KLHL14: variants seen among roughly 807,000 people sequenced by gnomAD.
The protein encoded by KLHL14 is kelch like family member 14.
Under a neutral mutation model 64.3 loss-of-function variants are expected in KLHL14, and 22 were observed. That is an observed-to-expected ratio of 0.34 (90% CI 0.24 to 0.49). KLHL14 has a LOEUF of 0.49. Ranked by LOEUF, KLHL14 falls within the 20% of genes least tolerant of loss-of-function variation. KLHL14 has a pLI of 0.99. For synonymous variants in KLHL14, 322 were observed against 333.4 expected (o/e 0.97, Z 0.37); for missense variants, 661 against 789.0 (o/e 0.84, Z 1.94).
At chr18:32,685,577 G>A (rs1028259894) in intron 5 of KLHL14, among the ~76,000 whole-genome samples, 1 of 152,184 alleles carries the variant, frequency 6.6e-6, no homozygotes, top group African/African-American at 2.4e-5. Flanking sequence ...GGGTGCACTG[G>A]AGAAAGATAC....
intron 2 of KLHL14, among the ~76,000 whole-genome samples, chr18:32,754,507 ATGG>A (rs2050271920): frequency 6.6e-6 from 1 of 152,248 alleles, no homozygotes; most frequent in Non-Finnish European, 1.5e-5. Context: ...GTGAGACATA[ATGG>A]TAGAAATGAA....
At chr18:32,686,684 T>A (rs1256547414) in intron 5 of KLHL14, among the ~76,000 whole-genome samples, 1 of 152,168 alleles carries the variant, frequency 6.6e-6, no homozygotes, top group African/African-American at 2.4e-5. Context: ...AGTTCAATAT[T>A]TCATATCTAA....
At chr18:32,748,494 C>G (rs936901205) in intron 2 of KLHL14, among the ~76,000 whole-genome samples, 1 of 152,088 alleles carries the variant, frequency 6.6e-6, no homozygotes, top group African/African-American at 2.4e-5. Flanking sequence ...CTCAGCCTCC[C>G]GAGTAGCTGG....
chr18:32,770,968 G>A lies in KLHL14; in HGVS notation c.-43-334C>T. 1 of 435,800 alleles carries A rather than the reference G, an allele frequency of 2.3e-6. No homozygotes were observed. The highest frequency in any genetic ancestry group is 2.6e-5 in the Admixed American group (1 of 37,850). 27.0% of individuals were successfully genotyped at this position (435,800 alleles called of 1,614,324 possible). A position where few individuals can be genotyped will look rare whatever the true frequency, so the allele number is the denominator to read the frequency against. ...GCTGTTGGCAGCAACAGCAGTGGCA[G>A]CAGCGACGGCAAAGTGGCGGCTGAG... is the stretch of plus-strand genomic sequence containing the variant. On this transcript the variant is annotated intron_variant, in intron 1 of 8. Transcript: ENST00000359358. The surrounding 1 kb of genome is among the most constrained non-coding windows in gnomAD (Gnocchi z 6.7).
chr18:32,676,892 A>G (rs1270856762), intron 8 of KLHL14, among the ~76,000 whole-genome samples: 10 of 152,144 alleles, frequency 6.6e-5, no homozygotes, highest in Non-Finnish European at 5.9e-5. Context: ...CATTTGTAAA[A>G]TCACCTCAGT....
At chr18:32,674,821 T>C (rs551955307) in intron 8 of KLHL14, 24 bp from the exon 9 acceptor site, 10 of 776,394 alleles carry the variant, frequency 1.3e-5, no homozygotes, top group South Asian at 4.0e-5. Flanking sequence ...GGAGGGAGCA[T>C]TTAGAGAAGG....
At chr18:32,768,687 C>A (rs1177388649) in intron 2 of KLHL14, among the ~76,000 whole-genome samples, 1 of 152,096 alleles carries the variant, frequency 6.6e-6, no homozygotes, top group Non-Finnish European at 1.5e-5. Context: ...AAAATTGGAG[C>A]CAATAAAACA....
chr18:32,715,972 A>G (rs949990311), intron 3 of KLHL14, among the ~76,000 whole-genome samples: 1 of 152,198 alleles, frequency 6.6e-6, no homozygotes, highest in Non-Finnish European at 1.5e-5. Flanking sequence ...CAATTGGAAA[A>G]TCTAAAAAGT....
At chr18:32,737,963 T>C (rs1420616197) in intron 3 of KLHL14, 1 of 152,170 alleles carries the variant, frequency 6.6e-6, no homozygotes, top group East Asian at 1.9e-4. Flanking sequence ...TCATCATTGG[T>C]ACATGGAAGG....
At chr18:32,766,081 A>T (rs1303940148) in intron 2 of KLHL14, among the ~76,000 whole-genome samples, 1 of 152,062 alleles carries the variant, frequency 6.6e-6, no homozygotes, top group East Asian at 1.9e-4. Context: ...ATGTAGATTA[A>T]TGTATTGATG....
intron 3 of KLHL14, among the ~76,000 whole-genome samples, chr18:32,727,163 T>C (rs969419104): frequency 2.1e-4 from 32 of 152,362 alleles, no homozygotes; most frequent in African/African-American, 7.5e-4. Flanking sequence ...GAACAAAAGC[T>C]GCTTCTTAAA....
At chr18:32,739,609 G>C (rs889566206) in intron 3 of KLHL14, among the ~76,000 whole-genome samples, 1 of 151,296 alleles carries the variant, frequency 6.6e-6, no homozygotes, top group African/African-American at 2.4e-5. Flanking sequence ...AAGGGTTCAA[G>C]ATCTTTAAAT....
chr18:32,766,679 GTTTCTTATTTTACTTA>G (rs1464990167), intron 2 of KLHL14, among the ~76,000 whole-genome samples: 1 of 152,008 alleles, frequency 6.6e-6, no homozygotes, highest in Non-Finnish European at 1.5e-5. Flanking sequence ...AGAGTGACAA[GTTTCTTATTTTACTTA>G]TTGTCCTTAT....
intron 3 of KLHL14, among the ~76,000 whole-genome samples, chr18:32,710,677 A>G (rs1266115809): frequency 1.3e-5 from 2 of 152,210 alleles, no homozygotes; most frequent in Non-Finnish European, 2.9e-5. Flanking sequence ...CAAAGTACAG[A>G]AAAAGATGAG....
intron 3 of KLHL14, among the ~76,000 whole-genome samples, chr18:32,711,255 A>G (rs2050017706): frequency 6.6e-6 from 1 of 152,190 alleles, no homozygotes; most frequent in African/African-American, 2.4e-5. Context: ...GGGGACAGCA[A>G]AAGAAAAAGA....
chr18:32,731,515 A>G (rs2050136862), intron 3 of KLHL14, among the ~76,000 whole-genome samples: 1 of 152,166 alleles, frequency 6.6e-6, no homozygotes, highest in African/African-American at 2.4e-5. Context: ...GGAGAGGAGC[A>G]GAAAAGATAG....
intron 8 of KLHL14, among the ~76,000 whole-genome samples, chr18:32,676,220 C>A (rs1346375524): frequency 2.0e-5 from 3 of 152,156 alleles, no homozygotes; most frequent in East Asian, 3.9e-4. Flanking sequence ...AGAAAATATG[C>A]AGATGGAGGA....
At position 32,756,435 on chromosome 18, in the gene KLHL14, G is replaced by A. The variant is rs180775445; in HGVS notation, c.947+13210C>T. On this transcript the variant is annotated intron_variant, in intron 2 of 8. Transcript: ENST00000359358. ...CACACACACACACACATGCAAATGT[G>A]AAACACTTTCAAAAAAAACCTTTCT... Among the ~76,000 whole-genome samples, 46 of 147,998 alleles carry A rather than the reference G, an allele frequency of 3.1e-4. 1 individual carries two copies. The highest frequency in any genetic ancestry group is 3.0e-3 in the Admixed American group (44 of 14,690).
intron 3 of KLHL14, among the ~76,000 whole-genome samples, chr18:32,710,478 G>C (rs963672628): frequency 6.6e-6 from 1 of 152,150 alleles, no homozygotes. Context: ...ACTGACATTT[G>C]CATGAGAAGG....
Sources: gnomAD v4.1 joint callset for allele counts (sites outside exome capture counted in the v4.1 genomes callset) on GRCh38, gnomAD v4.1.1 for gene constraint, Gnocchi (gnomAD v3.1) non-coding constraint, MANE v1.5 for transcripts, NCBI Gene and HGNC (gene_info 2026-07-23, HGNC 2026-07-21) for gene names.